The following ABCD4 variants were observed in gnomAD, a reference collection of about 807,000 sequenced individuals.
ABCD4 encodes the protein ATP binding cassette subfamily D member 4.
In ABCD4, 53 loss-of-function variants were observed where a neutral mutation model predicts 86.3. The ratio of observed to expected loss-of-function variants is 0.61; its 90% CI spans 0.49 to 0.77. The LOEUF (loss-of-function observed/expected upper bound fraction) is 0.77, where lower values mean the gene tolerates loss of function less well. Ranked by LOEUF, ABCD4 falls within the 30% of genes least tolerant of loss-of-function variation. ABCD4 has a pLI of 0.00. For synonymous variants in ABCD4, 328 were observed against 313.6 expected (o/e 1.05, Z -0.49); for missense variants, 757 against 764.5 (o/e 0.99, Z 0.12).
chr14:74,302,356 T>C (rs1018666648), intron 1 of ABCD4, among the ~76,000 whole-genome samples: 19 of 152,132 alleles, frequency 1.2e-4, no homozygotes, highest in Admixed American at 4.6e-4. Context: ...CACAGCATAT[T>C]ATATTGAAGA....
Position 74,289,375 on chromosome 14 carries a change from C to T in ABCD4, c.1456+108G>A, listed in dbSNP as rs553292795. ...GAGGAGCCCCTCTTCCTTGAATCAGCGGCCTGGCTGGAGCCTCTCCCCAAG... is the reference window on the plus strand; with the variant it reads ...GAGGAGCCCCTCTTCCTTGAATCAGTGGCCTGGCTGGAGCCTCTCCCCAAG... On this transcript the variant is annotated intron_variant, in intron 14 of 18. Transcript: ENST00000356924. 1.4e-4 allele frequency: 207 copies of T among 1,517,068 alleles called. 1 individual carries two copies. Among genetic ancestry groups the T allele is most frequent in the Admixed American group, 7.0e-5 (3 of 42,974 alleles). The allele number at this position is 1,517,068 out of a possible 1,614,324, so 94.0% of individuals were successfully genotyped here. A position where few individuals can be genotyped will look rare whatever the true frequency, so the allele number is the denominator to read the frequency against.
Position 74,299,640 on chromosome 14 carries a change from T to C in ABCD4, c.193A>G (p.Ser65Gly). The change falls in exon 3 of 19, where the codon AGT becomes GGT. Residue 65 changes from serine (S) to glycine (G), a missense_variant. Coordinates refer to ENST00000356924, the MANE Select transcript of ABCD4 (RefSeq NM_005050.4). ...TTTCCCAGGACCCCATAGTACTGACTGGGGATCAAGCCAACCTGGTAGATC... is the reference window on the plus strand; with the variant it reads ...TTTCCCAGGACCCCATAGTACTGACCGGGGATCAAGCCAACCTGGTAGATC... Reference protein sequence around the residue: ...FVIYQVGLIPSQYYGVLGNKD... With the variant: ...FVIYQVGLIPGQYYGVLGNKD... The C allele has an allele frequency of 6.2e-7, 1 of 1,613,786 alleles. No individual in the cohort carries two copies. The highest frequency in any genetic ancestry group is 8.5e-7 in the Non-Finnish European group (1 of 1,179,828).
chr14:74,295,315 G>T, intron 6 of ABCD4, 117 bp from the exon 7 acceptor site: 5 of 1,222,872 alleles, frequency 4.1e-6, no homozygotes, highest in Non-Finnish European at 1.2e-6. Context: ...CAAAACCGTG[G>T]CTGCCTCAGT....
At position 74,296,349 on chromosome 14, in the gene ABCD4, A is replaced by G; in HGVS notation, c.526T>C (p.Tyr176His). 1.2e-6 allele frequency: 2 copies of G among 1,614,140 alleles called. No homozygotes were observed. Among genetic ancestry groups the G allele is most frequent in the Non-Finnish European group, 8.5e-7 (1 of 1,180,010 alleles). The change falls in exon 5 of 19, where the codon TAC (tyrosine) becomes CAC (histidine). Residue 176 changes from tyrosine (Y) to histidine (H), a missense_variant. Coordinates refer to ENST00000356924, the MANE Select transcript of ABCD4 (RefSeq NM_005050.4). ...ISPFTLVYYT[Y>H]QCFQSTGWLG... is the part of the protein sequence containing the mutation. ...AGGCTTCACCTTTGGAAGCACTGGTAAGTGTAGTAGACGAGGGTGAACGGG... is the reference window on the plus strand; with the variant it reads ...AGGCTTCACCTTTGGAAGCACTGGTGAGTGTAGTAGACGAGGGTGAACGGG...
At position 74,299,630 on chromosome 14, in the gene ABCD4, T is replaced by C. The variant is rs767019119; in HGVS notation, c.203A>G (p.Tyr68Cys). Residue 68 changes from tyrosine to cysteine, a missense_variant, in exon 3 of 19, where the codon TAT becomes TGT. Tyr to Cys is a radical substitution (Grantham distance 194). Transcript: ENST00000356924. The part of the protein sequence containing the change: ...YQVGLIPSQY[Y>C]GVLGNKDLEG... ...CAAGTCTTTGTTTCCCAGGACCCCA[T>C]AGTACTGACTGGGGATCAAGCCAAC... 9 of 1,613,672 alleles carry C rather than the reference T, an allele frequency of 5.6e-6. No individual in the cohort carries two copies. The highest frequency in any genetic ancestry group is 1.6e-4 in the Middle Eastern group (1 of 6,062).
chr14:74,289,277 G>A (rs1304362275), intron 14 of ABCD4: 2 of 1,380,402 alleles, frequency 1.4e-6, no homozygotes, highest in Non-Finnish European at 1.9e-6. Flanking sequence ...GTCCCAGTGG[G>A]CATCTCTCCT....
At chr14:74,296,500 TAG>T in intron 4 of ABCD4, 51 bp from the exon 5 acceptor site, 1 of 1,547,658 alleles carries the variant, frequency 6.5e-7, no homozygotes, top group Non-Finnish European at 8.9e-7. Context: ...GGCCCAAAGG[TAG>T]AGAGAACAAG....
rs576699471 is a variant in ABCD4 at position 74,297,597 on chromosome 14, T to C, written c.425+333A>G. On this transcript the variant is annotated intron_variant, in intron 4 of 18. Transcript: ENST00000356924. Reference sequence around the variant, plus strand: ...TAAGAGATGGGGGTTTCTGCTATGTTGCCCAGGCTAGAGTACAGTGGCTAT... The same window carrying C: ...TAAGAGATGGGGGTTTCTGCTATGTCGCCCAGGCTAGAGTACAGTGGCTAT... The C allele has an allele frequency of 6.1e-6, 3 of 490,782 alleles. No homozygotes were observed. The African/African-American group carries it at 6.2e-5, about 10-fold the overall frequency. 30.4% of individuals were successfully genotyped at this position (490,782 alleles called of 1,614,324 possible).
intron 11 of ABCD4, among the ~76,000 whole-genome samples, chr14:74,291,725 C>T (rs1197900264): frequency 6.6e-6 from 1 of 152,190 alleles, no homozygotes; most frequent in Non-Finnish European, 1.5e-5. Flanking sequence ...TTTTTGAAAG[C>T]TTATGATGTG....
At chr14:74,302,814 G>C in intron 1 of ABCD4, 61 bp downstream of exon 1, 2 of 1,526,046 alleles carry the variant, frequency 1.3e-6, no homozygotes, top group South Asian at 2.4e-5. Context: ...GGGCAGGAAA[G>C]CCCATTCCCT....
In ABCD4 at chr14:74,294,057, C is replaced by CT. The variant is rs58682308; in HGVS notation, c.720-810dup. On this transcript the variant is annotated intron_variant, in intron 7 of 18. Transcript: ENST00000356924. ...TGCAGAATCCAAAAGCAACTTTTTT[C>CT]TTTTTTTTTTTTTGAGACGGAGTCT... 674 of 145,764 alleles carry CT rather than the reference C, an allele frequency of 4.6e-3. 4 individuals are homozygous for CT. Among genetic ancestry groups the CT allele is most frequent in the Non-Finnish European group, 4.9e-3 (326 of 66,048 alleles). 9.0% of individuals were successfully genotyped at this position (145,764 alleles called of 1,614,324 possible).
At chr14:74,289,577 C>A in intron 13 of ABCD4, 58 bp from the exon 14 acceptor site, 1 of 1,599,106 alleles carries the variant, frequency 6.3e-7, no homozygotes, top group Non-Finnish European at 8.5e-7. Flanking sequence ...CGGAGCTGCA[C>A]ACAGCCCACC....
chr14:74,289,600 C>T, intron 13 of ABCD4, 81 bp from the exon 14 acceptor site: 1 of 1,568,390 alleles, frequency 6.4e-7, no homozygotes. Flanking sequence ...CCCTCCAGAA[C>T]CCACTGGAAC....
At chr14:74,294,046 G>T (rs1288900828) in intron 7 of ABCD4, 1 of 147,060 alleles carries the variant, frequency 6.8e-6, no homozygotes, top group Non-Finnish European at 1.5e-5. Context: ...GAATCCAAAA[G>T]CAACTTTTTT....
At position 74,296,427 on chromosome 14, in the gene ABCD4, C is replaced by A. The variant is rs574925291; in HGVS notation, c.448G>T (p.Val150Leu). The A allele has an allele frequency of 1.9e-6, 3 of 1,613,976 alleles. No homozygotes were observed. Among genetic ancestry groups the A allele is most frequent in the East Asian group, 2.2e-5 (1 of 44,886 alleles). Reference sequence around the variant, plus strand: ...CTGAGCTGCCGGCAGAATCGCTCCACGTCCTGGCTGATGCGCTGGTCCCTG... The same window carrying A: ...CTGAGCTGCCGGCAGAATCGCTCCAAGTCCTGGCTGATGCGCTGGTCCCTG... ...DNPDQRISQD[V>L]ERFCRQLSSM... is the part of the protein sequence containing the mutation. Residue 150 changes from valine to leucine, a missense_variant, in exon 5 of 19, where the codon GTG (valine) becomes TTG (leucine). Coordinates refer to ENST00000356924, the MANE Select transcript of ABCD4 (RefSeq NM_005050.4).
intron 15 of ABCD4, 65 bp downstream of exon 15, chr14:74,288,651 C>A (rs763049476): frequency 6.3e-6 from 10 of 1,579,506 alleles, no homozygotes; most frequent in Non-Finnish European, 7.8e-6. Flanking sequence ...AGGGCCAGCA[C>A]CTGCCTACCT....
intron 16 of ABCD4, 106 bp from the exon 17 acceptor site, chr14:74,287,992 C>G: frequency 8.4e-7 from 1 of 1,183,730 alleles, no homozygotes; most frequent in Non-Finnish European, 1.2e-6. Flanking sequence ...GAGGTGAGCC[C>G]CAGGAGACAG....
intron 15 of ABCD4, 22 bp downstream of exon 15, chr14:74,288,694 G>A (rs751538711): frequency 6.2e-7 from 1 of 1,612,448 alleles, no homozygotes; most frequent in South Asian, 1.1e-5. Context: ...CTCGGGTCCT[G>A]AGGGTCCCTC....
At chr14:74,296,694 C>A (rs2082961931) in intron 4 of ABCD4, 2 of 495,342 alleles carry the variant, frequency 4.0e-6, no homozygotes, top group Non-Finnish European at 7.3e-6. Context: ...AAAGTGGGAA[C>A]TGAAAGGTCC....
Sources: gnomAD v4.1 joint callset for allele counts (sites outside exome capture counted in the v4.1 genomes callset) on GRCh38, gnomAD v4.1.1 for gene constraint, MANE v1.5 for transcripts, NCBI Gene and HGNC (gene_info 2026-07-23, HGNC 2026-07-21) for gene names.